KCND2: variants seen among roughly 807,000 people sequenced by gnomAD.
KCND2 encodes the protein potassium voltage-gated channel subfamily D member 2, also known as A-type voltage-gated potassium channel KCND2.
A neutral mutation model predicts 54.4 loss-of-function variants in KCND2; 16 were observed. The observed-to-expected ratio is 0.29, with a 90% confidence interval of 0.20 to 0.45. The LOEUF (loss-of-function observed/expected upper bound fraction) is 0.45. Among genes scored for constraint, KCND2 ranks in the 20% least tolerant of loss-of-function variants. KCND2 has a pLI of 1.00. For missense variants in KCND2, 486 were observed against 824.2 expected, an observed-to-expected ratio of 0.59 and a Z score of 5.02; for synonymous variants, 317 against 310.7, an observed-to-expected ratio of 1.02 and a Z score of -0.21.
chr7:120,396,179 G>T (rs1241981557), intron 1 of KCND2, among the ~76,000 whole-genome samples: 1 of 152,012 alleles, frequency 6.6e-6, no homozygotes, highest in African/African-American at 2.4e-5. Context: ...CAGCCAAGTT[G>T]GTCAATGTCA....
intron 1 of KCND2, among the ~76,000 whole-genome samples, chr7:120,726,069 T>C (rs1490688456): frequency 6.6e-6 from 1 of 152,172 alleles, no homozygotes; most frequent in Non-Finnish European, 1.5e-5. Context: ...CAGTAGCTCA[T>C]AATTTGGCTG....
chr7:120,383,764 T>C (rs1181199797), intron 1 of KCND2, among the ~76,000 whole-genome samples: 1 of 152,096 alleles, frequency 6.6e-6, no homozygotes, highest in Non-Finnish European at 1.5e-5. Context: ...GTGTAAAGCT[T>C]AACTACAGGA....
At chr7:120,719,355 A>T (rs1011248069) in intron 1 of KCND2, among the ~76,000 whole-genome samples, 2 of 152,196 alleles carry the variant, frequency 1.3e-5, no homozygotes, top group Non-Finnish European at 2.9e-5. Flanking sequence ...AGATTAGTGA[A>T]GTAGTGAAAA....
chr7:120,654,098 CT>C (rs1339579818), intron 1 of KCND2, among the ~76,000 whole-genome samples: 2 of 152,016 alleles, frequency 1.3e-5, no homozygotes, highest in Admixed American at 6.6e-5. Flanking sequence ...ATGTCCTTTT[CT>C]ATTGTTTGAT....
intron 1 of KCND2, among the ~76,000 whole-genome samples, chr7:120,327,241 G>T (rs1799991069): frequency 6.6e-6 from 1 of 152,042 alleles, no homozygotes; most frequent in Non-Finnish European, 1.5e-5. Flanking sequence ...AGCATAAAAG[G>T]TCTTTAGAGA....
At position 120,426,558 on chromosome 7, in the gene KCND2, C is replaced by T. The variant is rs140154419; in HGVS notation, c.1115+150811C>T. ...TCCCTTTGGAGACTGTTGTAAAAGCCGATGTACGTTTTTTGTGGGGTTTTT... is the reference window on the plus strand; with the variant it reads ...TCCCTTTGGAGACTGTTGTAAAAGCTGATGTACGTTTTTTGTGGGGTTTTT... On this transcript the variant is annotated intron_variant, in intron 1 of 5. Transcript: ENST00000331113. 7.0e-3 allele frequency among the ~76,000 whole-genome samples: 1,050 copies of T among 150,884 alleles called. 9 individuals are homozygous for T. Among genetic ancestry groups the T allele is most frequent in the Middle Eastern group, 0.014 (4 of 290 alleles).
At chr7:120,509,677 A>G (rs1803082625) in intron 1 of KCND2, among the ~76,000 whole-genome samples, 1 of 151,472 alleles carries the variant, frequency 6.6e-6, no homozygotes, top group African/African-American at 2.4e-5. Context: ...CTGTGCCATG[A>G]GATATTAAGT....
intron 1 of KCND2, among the ~76,000 whole-genome samples, chr7:120,460,373 C>G (rs191191837): frequency 6.6e-6 from 1 of 152,238 alleles, no homozygotes; most frequent in East Asian, 1.9e-4. Context: ...AGAGACGGAG[C>G]TTATATCCAA....
chr7:120,400,323 A>G (rs1393319609), intron 1 of KCND2, among the ~76,000 whole-genome samples: 2 of 152,146 alleles, frequency 1.3e-5, no homozygotes, highest in Non-Finnish European at 2.9e-5. Context: ...GTATTTTATG[A>G]CTTTTTTTCA....
intron 1 of KCND2, among the ~76,000 whole-genome samples, chr7:120,563,971 G>A (rs1792266765): frequency 6.6e-6 from 1 of 152,114 alleles, no homozygotes; most frequent in Non-Finnish European, 1.5e-5. Context: ...CTATCTACAT[G>A]AGGCAACTTA....
chr7:120,438,276 A>G (rs770306929), intron 1 of KCND2, among the ~76,000 whole-genome samples: 1 of 152,132 alleles, frequency 6.6e-6, no homozygotes, highest in East Asian at 1.9e-4. Context: ...TAATCCAGGT[A>G]TTATCAGGAG....
intron 1 of KCND2, among the ~76,000 whole-genome samples, chr7:120,486,705 A>G (rs563752410): frequency 6.8e-6 from 1 of 147,378 alleles, no homozygotes; most frequent in Non-Finnish European, 1.5e-5. Context: ...TTTTTTTCCT[A>G]GTTTGAATAG....
chr7:120,647,336 GA>G (rs1257123436), intron 1 of KCND2, among the ~76,000 whole-genome samples: 1 of 152,158 alleles, frequency 6.6e-6, no homozygotes, highest in African/African-American at 2.4e-5. Context: ...GAGTTATAAG[GA>G]TGGAACTTTC....
intron 1 of KCND2, among the ~76,000 whole-genome samples, chr7:120,479,779 T>TAA (rs1330377068): frequency 1.0e-5 from 1 of 97,960 alleles, no homozygotes; most frequent in African/African-American, 4.3e-5. Context: ...TATATATATA[T>TAA]AAACTATACA....
At chr7:120,733,928 C>T (rs1224521457) in intron 2 of KCND2, among the ~76,000 whole-genome samples, 1 of 152,054 alleles carries the variant, frequency 6.6e-6, no homozygotes, top group Non-Finnish European at 1.5e-5. Context: ...ATGTGTCAGA[C>T]ATTAGCCTAA....
At chr7:120,519,877 C>T (rs982091713) in intron 1 of KCND2, among the ~76,000 whole-genome samples, 12 of 151,986 alleles carry the variant, frequency 7.9e-5, no homozygotes, top group African/African-American at 1.9e-4. Flanking sequence ...AAAATTCTTA[C>T]GTGATTGAAG....
chr7:120,743,962 T>TAATATATATATAATAATATATATA (rs1792973715), intron 4 of KCND2, among the ~76,000 whole-genome samples: 1 of 152,156 alleles, frequency 6.6e-6, no homozygotes, highest in African/African-American at 2.4e-5. Flanking sequence ...AAATGATACA[T>TAATATATATATAATAATATATATA]TAATAATAAA....
chr7:120,600,134 A>G (rs1584848589), intron 1 of KCND2, among the ~76,000 whole-genome samples: 1 of 151,934 alleles, frequency 6.6e-6, no homozygotes, highest in East Asian at 1.9e-4. Context: ...TAATCACAAG[A>G]TAAATGTTTC....
At chr7:120,428,474 C>T (rs1801744999) in intron 1 of KCND2, among the ~76,000 whole-genome samples, 1 of 152,134 alleles carries the variant, frequency 6.6e-6, no homozygotes, top group Non-Finnish European at 1.5e-5. Context: ...CAAAGAGACA[C>T]CATGACTAGC....
Sources: gnomAD v4.1 joint callset for allele counts (sites outside exome capture counted in the v4.1 genomes callset) on GRCh38, gnomAD v4.1.1 for gene constraint, MANE v1.5 for transcripts, NCBI Gene and HGNC (gene_info 2026-07-23, HGNC 2026-07-21) for gene names.